Variants in PHLPP1 observed in about 807,000 individuals in gnomAD.
PHLPP1 encodes PH domain leucine-rich repeat-containing protein phosphatase 1.
Under a neutral mutation model 117.2 loss-of-function variants are expected in PHLPP1, and 42 were observed. That is an observed-to-expected ratio of 0.36 (90% CI 0.28 to 0.46). The LOEUF is 0.46. Ranked by LOEUF, PHLPP1 falls within the 20% of genes least tolerant of loss-of-function variation. The pLI, the probability that PHLPP1 is intolerant of heterozygous loss-of-function variation, is 1.00. For missense variants in PHLPP1, 2,084 were observed against 2,241.9 expected (o/e 0.93, Z 1.42); for synonymous variants, 1,042 against 970.7 (o/e 1.07, Z -1.37).
intron 9 of PHLPP1, among the ~76,000 whole-genome samples, chr18:62,917,178 T>C (rs1909312835): frequency 6.7e-6 from 1 of 148,160 alleles, no homozygotes; most frequent in Non-Finnish European, 1.5e-5. Flanking sequence ...TTTATATTTG[T>C]ATATATTATA....
At chr18:62,781,845 C>T (rs565179189) in intron 1 of PHLPP1, among the ~76,000 whole-genome samples, 2 of 152,258 alleles carry the variant, frequency 1.3e-5, no homozygotes, top group East Asian at 3.9e-4. Context: ...TTTTCATTAG[C>T]TTGGAATACA....
chr18:62,726,891 T>C (rs1031791724), intron 1 of PHLPP1, among the ~76,000 whole-genome samples: 2 of 151,796 alleles, frequency 1.3e-5, no homozygotes, highest in Non-Finnish European at 2.9e-5. Flanking sequence ...GCCAGTATTT[T>C]ATAGTTTTCT....
chr18:62,819,579 A>G (rs1914387123), intron 1 of PHLPP1, among the ~76,000 whole-genome samples: 1 of 152,236 alleles, frequency 6.6e-6, no homozygotes. Flanking sequence ...TAAATGTTTC[A>G]GTTAAAAGAC....
intron 4 of PHLPP1, among the ~76,000 whole-genome samples, chr18:62,862,848 A>G (rs762157867): frequency 6.6e-6 from 1 of 152,190 alleles, no homozygotes; most frequent in Non-Finnish European, 1.5e-5. Context: ...TGGCATTACA[A>G]TTTTTTTAAA....
At chr18:62,916,216 A>G (rs548744789) in intron 9 of PHLPP1, among the ~76,000 whole-genome samples, 8 of 152,206 alleles carry the variant, frequency 5.3e-5, no homozygotes, top group African/African-American at 1.7e-4. Context: ...GAGAAGTGCT[A>G]TAAGTGTAAA....
intron 1 of PHLPP1, among the ~76,000 whole-genome samples, chr18:62,827,848 G>A (rs539621745): frequency 9.1e-4 from 139 of 152,330 alleles, no homozygotes; most frequent in African/African-American, 3.2e-3. Context: ...TCTGTAGGAT[G>A]TATATGGAGT....
At chr18:62,890,441 T>G (rs949499011) in intron 4 of PHLPP1, among the ~76,000 whole-genome samples, 1 of 152,028 alleles carries the variant, frequency 6.6e-6, no homozygotes, top group African/African-American at 2.4e-5. Flanking sequence ...AATTTTTATA[T>G]TTTTAGTAGA....
At chr18:62,875,268 T>A (rs543806354) in intron 4 of PHLPP1, among the ~76,000 whole-genome samples, 1 of 152,242 alleles carries the variant, frequency 6.6e-6, no homozygotes, top group East Asian at 1.9e-4. Context: ...GAATTCTTAA[T>A]GTGATTTTTA....
chr18:62,847,905 G>C (rs989725132), intron 3 of PHLPP1, among the ~76,000 whole-genome samples: 7 of 152,094 alleles, frequency 4.6e-5, no homozygotes, highest in African/African-American at 1.7e-4. Flanking sequence ...TTTTCTATCT[G>C]GTAAAACGCA....
rs779184490 is a variant in PHLPP1 at position 62,872,026 on chromosome 18, T to G, written c.2066+11425T>G. On this transcript the variant is annotated intron_variant, in intron 4 of 16. Transcript: ENST00000262719. The stretch of plus-strand genomic sequence containing the variant: ...CATTGAAGGACCTAGAGTTTGTAAA[T>G]ATAGAGGAGGCAAAACTTTACCCGT... 3.7e-4 allele frequency among the ~76,000 whole-genome samples: 56 copies of G among 152,122 alleles called. 1 individual carries two copies. Among genetic ancestry groups the G allele is most frequent in the Non-Finnish European group, 3.1e-4 (21 of 68,028 alleles).
At position 62,870,545 on chromosome 18, in the gene PHLPP1, C is replaced by T. The variant is rs77065696; in HGVS notation, c.2066+9944C>T. On this transcript the variant is annotated intron_variant, in intron 4 of 16. Transcript: ENST00000262719. The stretch of plus-strand genomic sequence containing the variant: ...GTTTCACAGGGAACATTTTAGATGC[C>T]AAAGGGTAATTTATTTTTACGTTTT... Among the ~76,000 whole-genome samples, 47 of 152,166 alleles carry T rather than the reference C, an allele frequency of 3.1e-4. 1 individual carries two copies. In the East Asian group the frequency reaches 8.9e-3, roughly 29 times the overall value.
At chr18:62,726,583 C>CTTTTTTTTTTTTTTTTTT (rs869190741) in intron 1 of PHLPP1, among the ~76,000 whole-genome samples, 2 of 110,044 alleles carry the variant, frequency 1.8e-5, no homozygotes, top group Admixed American at 9.6e-5. Context: ...CTGTTCTGTT[C>CTTTTTTTTTTTTTTTTTT]TTTTTTTTTT....
At chr18:62,916,691 A>T (rs1424104231) in intron 9 of PHLPP1, among the ~76,000 whole-genome samples, 1 of 147,070 alleles carries the variant, frequency 6.8e-6, no homozygotes, top group East Asian at 2.0e-4. Context: ...GAAAAAAATA[A>T]TTCGTTGAAA....
chr18:62,741,663 A>G (rs2122074303), intron 1 of PHLPP1, among the ~76,000 whole-genome samples: 1 of 151,658 alleles, frequency 6.6e-6, no homozygotes, highest in South Asian at 2.1e-4. Context: ...ATACTTTTAT[A>G]AATAATTGTT....
At chr18:62,771,726 G>A (rs913484293) in intron 1 of PHLPP1, among the ~76,000 whole-genome samples, 3 of 152,152 alleles carry the variant, frequency 2.0e-5, no homozygotes, top group Non-Finnish European at 2.9e-5. Context: ...CATCTGCGTC[G>A]TTAACACTGG....
At chr18:62,849,824 A>ATATATATATATATATATATAT (rs1450269021) in intron 3 of PHLPP1, among the ~76,000 whole-genome samples, 6 of 44,780 alleles carry the variant, frequency 1.3e-4, no homozygotes, top group African/African-American at 2.8e-4. Context: ...AAAAAAAAAA[A>ATATATATATATATATATATAT]AAAAAAAAAT....
rs549030784 is a variant in PHLPP1, at chr18:62,748,041, T to G, written c.1576+30782T>G. ...AAGAAGGTACATTCTAATTGTTGGGTGTTGGTTAGGTCTAATGTGTTCCTT... is the reference window on the plus strand; with the variant it reads ...AAGAAGGTACATTCTAATTGTTGGGGGTTGGTTAGGTCTAATGTGTTCCTT... On this transcript the variant is annotated intron_variant, in intron 1 of 16. Transcript: ENST00000262719. Among the ~76,000 whole-genome samples, 4 of 152,226 alleles carry G rather than the reference T, an allele frequency of 2.6e-5. No homozygotes were observed. In the East Asian group the frequency reaches 7.7e-4, roughly 29 times the overall value.
chr18:62,897,589 C>G (rs557771347), intron 6 of PHLPP1, among the ~76,000 whole-genome samples: 128 of 152,282 alleles, frequency 8.4e-4, no homozygotes, highest in African/African-American at 2.6e-3. Context: ...TCACTGCAAC[C>G]TCCACCTCCT....
At chr18:62,828,861 A>G (rs1009060001) in intron 1 of PHLPP1, among the ~76,000 whole-genome samples, 2 of 152,214 alleles carry the variant, frequency 1.3e-5, no homozygotes, top group Non-Finnish European at 2.9e-5. Context: ...TATAGTACAT[A>G]TATCTCTTAT....
Sources: gnomAD v4.1 joint callset for allele counts (sites outside exome capture counted in the v4.1 genomes callset) on GRCh38, gnomAD v4.1.1 for gene constraint, MANE v1.5 for transcripts, NCBI Gene and HGNC (gene_info 2026-07-23, HGNC 2026-07-21) for gene names.